TECPR2: variants seen among roughly 807,000 people sequenced by gnomAD.
TECPR2 encodes tectonin beta-propeller repeat-containing protein 2.
A neutral mutation model predicts 138.1 loss-of-function variants in TECPR2; 65 were observed. The ratio of observed to expected loss-of-function variants is 0.47; its 90% CI spans 0.39 to 0.58. The LOEUF is 0.58. Among genes scored for constraint, TECPR2 ranks in the 20% least tolerant of loss-of-function variants. The probability of loss-of-function intolerance (pLI) is 0.00; values close to 1 mark genes in which losing one functional copy is unlikely to be tolerated. For synonymous variants in TECPR2, 746 were observed against 749.8 expected, an observed-to-expected ratio of 0.99 and a Z score of 0.08; for missense variants, 1,553 against 1,824.5, an observed-to-expected ratio of 0.85 and a Z score of 2.71.
intron 8 of TECPR2, among the ~76,000 whole-genome samples, chr14:102,433,494 T>TTTTA (rs10667656): frequency 0.21 from 31,706 of 150,012 alleles, 4,156 homozygotes; most frequent in Non-Finnish European, 0.3. Context: ...CATTCTTTAT[T>TTTTA]TTTATTTATT....
Position 102,425,165 on chromosome 14 carries a change from A to T in TECPR2, c.825A>T (p.Glu275Asp). Residue 275 changes from glutamate (E) to aspartate (D), a missense_variant, in exon 6 of 20, where the codon GAA becomes GAT. Physicochemically the swap from Glu to Asp is conservative, Grantham distance 45 (BLOSUM62 2). Transcript: ENST00000359520. ...CTTTTGAACTGCACCCGCGTCTGGA[A>T]TCCCCCAACAGTGGAAGTTGCAGCT... ...VKPFELHPRL[E>D]SPNSGSCSLP... is the part of the protein sequence containing the mutation. 6.2e-7 allele frequency: 1 copy of T among 1,614,156 alleles called. No homozygotes were observed. The highest frequency in any genetic ancestry group is 8.5e-7 in the Non-Finnish European group (1 of 1,180,034).
intron 3 of TECPR2, among the ~76,000 whole-genome samples, chr14:102,408,030 G>A (rs1024284921): frequency 3.3e-5 from 5 of 151,914 alleles, no homozygotes; most frequent in South Asian, 4.2e-4. Context: ...TTAGCTGGGC[G>A]TGGTGGTGCG....
intron 5 of TECPR2, among the ~76,000 whole-genome samples, chr14:102,416,014 C>G (rs79596534): frequency 6.6e-6 from 1 of 152,242 alleles, no homozygotes; most frequent in Non-Finnish European, 1.5e-5. Flanking sequence ...TGCGGCAACA[C>G]ACAAGTTTAT....
chr14:102,460,825 G>A (rs1385794796), intron 16 of TECPR2, among the ~76,000 whole-genome samples: 1 of 151,314 alleles, frequency 6.6e-6, no homozygotes, highest in Non-Finnish European at 1.5e-5. Context: ...CTCCTGAGTA[G>A]CTGGGACTAC....
intron 16 of TECPR2, among the ~76,000 whole-genome samples, chr14:102,455,176 T>C (rs1384587301): frequency 6.6e-6 from 1 of 152,088 alleles, no homozygotes; most frequent in African/African-American, 2.4e-5. Context: ...CAGATACTCA[T>C]TGAGGGGTTG....
In TECPR2 at chr14:102,498,140, C is replaced by A; in HGVS notation, c.4119C>A (p.Pro1373=). The change falls in exon 20 of 20, where the codon CCC becomes CCA. Residue 1373 remains proline, a synonymous_variant. Transcript: ENST00000359520. ...ASDELWAVGP[P]GYLLQRLTKT... is the part of the protein sequence containing the mutation. ...ATGAGCTGTGGGCTGTGGGCCCGCCCGGCTACCTCCTCCAACGGCTGACAA... is the reference window on the plus strand; with the variant it reads ...ATGAGCTGTGGGCTGTGGGCCCGCCAGGCTACCTCCTCCAACGGCTGACAA... The A allele has an allele frequency of 6.2e-7, 1 of 1,613,376 alleles. No homozygotes were observed. Among genetic ancestry groups the A allele is most frequent in the African/African-American group, 1.3e-5 (1 of 75,040 alleles).
intron 14 of TECPR2, among the ~76,000 whole-genome samples, chr14:102,450,108 A>T (rs1890101278): frequency 6.6e-6 from 1 of 152,192 alleles, no homozygotes; most frequent in Non-Finnish European, 1.5e-5. Flanking sequence ...ACCTTTTATG[A>T]CATAAGAAAA....
chr14:102,411,339 CG>C (rs1245912973), intron 4 of TECPR2, among the ~76,000 whole-genome samples: 2 of 152,230 alleles, frequency 1.3e-5, no homozygotes, highest in Non-Finnish European at 2.9e-5. Flanking sequence ...GTGACTTCCA[CG>C]TACGTATACG....
intron 2 of TECPR2, among the ~76,000 whole-genome samples, chr14:102,403,642 A>T (rs1174772329): frequency 6.6e-6 from 1 of 152,218 alleles, no homozygotes; most frequent in Admixed American, 6.5e-5. Context: ...ATTCCACAAA[A>T]AATTGTTTGA....
intron 2 of TECPR2, among the ~76,000 whole-genome samples, chr14:102,401,502 A>G (rs1366340350): frequency 1.3e-5 from 2 of 150,858 alleles, no homozygotes; most frequent in Non-Finnish European, 3.0e-5. Flanking sequence ...ACTCACGGCC[A>G]GGTGCAGTGG....
chr14:102,400,916 C>T (rs1888459512), intron 2 of TECPR2, among the ~76,000 whole-genome samples: 1 of 151,912 alleles, frequency 6.6e-6, no homozygotes. Flanking sequence ...GACCTGTAAT[C>T]CCAGCCACCC....
At chr14:102,448,359 G>C (rs767398033) in intron 13 of TECPR2, among the ~76,000 whole-genome samples, 1 of 152,190 alleles carries the variant, frequency 6.6e-6, no homozygotes, top group Non-Finnish European at 1.5e-5. Context: ...CACTCATAAA[G>C]AATTTGCCTT....
chr14:102,496,976 C>T lies in TECPR2; in HGVS notation c.3790-3C>T, dbSNP rs1891297798. On this transcript the variant is annotated splice_polypyrimidine_tract_variant and splice_region_variant and intron_variant, in intron 17 of 19. Transcript: ENST00000359520. ...TTCCCTGAAAGTCCCTTCCCGCTTC[C>T]AGCCCGCCGGGGTCAGCTTGGTCAG... The T allele has an allele frequency of 6.2e-7, 1 of 1,613,360 alleles. No individual in the cohort carries two copies. Among genetic ancestry groups the T allele is most frequent in the African/African-American group, 1.3e-5 (1 of 74,926 alleles).
chr14:102,368,197 C>T (rs753232767), intron 1 of TECPR2, among the ~76,000 whole-genome samples: 2 of 151,668 alleles, frequency 1.3e-5, no homozygotes, highest in Non-Finnish European at 2.9e-5. Context: ...TTGGTAGAGA[C>T]AGGGTTTCAC....
Position 102,431,961 on chromosome 14 carries a change from A to G in TECPR2, c.1250A>G (p.Asp417Gly), listed in dbSNP as rs1339136633. The change falls in exon 8 of 20, where the codon GAC becomes GGC. Residue 417 changes from aspartate (D) to glycine (G), a missense_variant. Coordinates refer to ENST00000359520, the MANE Select transcript of TECPR2 (RefSeq NM_014844.5). ...AGGAGCAGCTCGCTCAACTCCACCG[A>G]CAGCGGCTCCGGGCTCCTGCCCCCT... ...RSRSSSLNST[D>G]SGSGLLPPGL... 6.2e-7 allele frequency: 1 copy of G among 1,613,026 alleles called. No homozygotes were observed. Among genetic ancestry groups the G allele is most frequent in the Non-Finnish European group, 8.5e-7 (1 of 1,179,768 alleles).
chr14:102,445,469 T>C (rs145109200), intron 12 of TECPR2, among the ~76,000 whole-genome samples: 5,957 of 150,116 alleles, frequency 0.04, 157 homozygotes, highest in Middle Eastern at 0.092. Context: ...CTTGGATTGG[T>C]AGGGGAAGGA....
At chr14:102,383,649 C>G (rs1434646806) in intron 2 of TECPR2, among the ~76,000 whole-genome samples, 1 of 152,048 alleles carries the variant, frequency 6.6e-6, no homozygotes, top group Non-Finnish European at 1.5e-5. Flanking sequence ...CGCAAGTGAT[C>G]CACTTGCCTC....
At chr14:102,458,800 A>G (rs1436453760) in intron 16 of TECPR2, among the ~76,000 whole-genome samples, 5 of 151,894 alleles carry the variant, frequency 3.3e-5, no homozygotes, top group Non-Finnish European at 7.4e-5. Context: ...TCCCCATCAT[A>G]GCACTGTGCT....
chr14:102,385,874 C>T (rs181189667), intron 2 of TECPR2, among the ~76,000 whole-genome samples: 2 of 150,466 alleles, frequency 1.3e-5, no homozygotes, highest in Admixed American at 1.3e-4. Flanking sequence ...AGGTCGAGGT[C>T]GTAGTGAGCC....
Sources: allele counts gnomAD v4.1 joint callset (sites outside exome capture counted in the v4.1 genomes callset), GRCh38; gene constraint gnomAD v4.1.1; transcripts MANE v1.5; gene names NCBI Gene and HGNC (gene_info 2026-07-23, HGNC 2026-07-21).